SYN3: variants seen among roughly 807,000 people sequenced by gnomAD.
SYN3 encodes synapsin-3.
SYN3 carries 35 observed loss-of-function variants against 65.8 expected under a neutral mutation model. The ratio of observed to expected loss-of-function variants is 0.53; its 90% CI spans 0.41 to 0.70. The LOEUF is 0.70. Among genes scored for constraint, SYN3 ranks in the 30% least tolerant of loss-of-function variants. The probability of loss-of-function intolerance (pLI) is 0.00; values close to 1 mark genes in which losing one functional copy is unlikely to be tolerated. For missense variants in SYN3, 680 were observed against 749.0 expected, an observed-to-expected ratio of 0.91 and a Z score of 1.08; for synonymous variants, 270 against 292.9, an observed-to-expected ratio of 0.92 and a Z score of 0.80.
Position 32,578,304 on chromosome 22 carries a change from T to C in SYN3, c.774+18370A>G, listed in dbSNP as rs572649200. 2.6e-5 allele frequency among the ~76,000 whole-genome samples: 4 copies of C among 152,160 alleles called. No homozygotes were observed. The East Asian group carries it at 7.7e-4, about 29-fold the overall frequency. ...CTCTGGGGCCTAGGCTGGAGTGCAGTGGCATGATCATGGCTCCCTGCAGCC... is the reference window on the plus strand; with the variant it reads ...CTCTGGGGCCTAGGCTGGAGTGCAGCGGCATGATCATGGCTCCCTGCAGCC... On this transcript the variant is annotated intron_variant, in intron 7 of 13. Transcript: ENST00000358763.
intron 3 of SYN3, among the ~76,000 whole-genome samples, chr22:32,936,383 A>C (rs141021425): frequency 6.6e-6 from 1 of 152,358 alleles, no homozygotes; most frequent in East Asian, 1.9e-4. Flanking sequence ...GGCAGAGTTC[A>C]TCAGTTTCAC....
chr22:32,786,497 G>T (rs1434996388), intron 6 of SYN3, among the ~76,000 whole-genome samples: 1 of 151,834 alleles, frequency 6.6e-6, no homozygotes, highest in Non-Finnish European at 1.5e-5. Context: ...CAAGTAGCTG[G>T]GACTACAGGT....
At chr22:32,990,435 TCC>T in intron 2 of SYN3, among the ~76,000 whole-genome samples, 1 of 147,366 alleles carries the variant, frequency 6.8e-6, no homozygotes, top group African/African-American at 2.7e-5. Flanking sequence ...CATCCATCCA[TCC>T]ATCCATCCAT....
chr22:32,583,795 T>C (rs1159688284), intron 7 of SYN3: 2 of 152,204 alleles, frequency 1.3e-5, no homozygotes, highest in Non-Finnish European at 2.9e-5. Flanking sequence ...TGCATCCTCA[T>C]TGTTCCTATA....
At chr22:32,699,600 T>G (rs1049873940) in intron 6 of SYN3, among the ~76,000 whole-genome samples, 3 of 204 alleles carry the variant, frequency 0.015, no homozygotes, top group African/African-American at 0.042. Context: ...CAAGTCACAT[T>G]GCTCTCGGGG....
chr22:32,943,339 C>G (rs1161709444), intron 3 of SYN3, among the ~76,000 whole-genome samples: 2 of 152,134 alleles, frequency 1.3e-5, no homozygotes, highest in Non-Finnish European at 2.9e-5. Flanking sequence ...TCATATCCAG[C>G]CAAACTAAGC....
intron 2 of SYN3, among the ~76,000 whole-genome samples, chr22:32,989,681 A>G (rs2052635869): frequency 6.7e-6 from 1 of 150,066 alleles, no homozygotes; most frequent in South Asian, 2.1e-4. Flanking sequence ...CCAAAAATAC[A>G]AAAATTAGCC....
At chr22:32,601,273 T>C (rs556592222) in intron 6 of SYN3, among the ~76,000 whole-genome samples, 1 of 150,328 alleles carries the variant, frequency 6.7e-6, no homozygotes. Flanking sequence ...TTTGCCTTTT[T>C]TTTTCTTTCT....
chr22:32,574,260 G>A (rs924124812), intron 7 of SYN3, among the ~76,000 whole-genome samples: 1 of 151,962 alleles, frequency 6.6e-6, no homozygotes, highest in South Asian at 2.1e-4. Flanking sequence ...CAGGAGGATC[G>A]CCTGAGGCCA....
At chr22:32,562,916 G>T (rs991818179) in intron 7 of SYN3, among the ~76,000 whole-genome samples, 1 of 152,242 alleles carries the variant, frequency 6.6e-6, no homozygotes, top group African/African-American at 2.4e-5. Context: ...GAAGAGCCAG[G>T]GGGCCTGAAC....
chr22:32,671,346 CCA>C (rs1457796346), intron 6 of SYN3, among the ~76,000 whole-genome samples: 2 of 151,738 alleles, frequency 1.3e-5, no homozygotes, highest in Admixed American at 6.6e-5. Flanking sequence ...CCATCCACAC[CCA>C]CACTCACTCT....
At chr22:32,830,531 G>A (rs2047541638) in intron 6 of SYN3, among the ~76,000 whole-genome samples, 2 of 152,190 alleles carry the variant, frequency 1.3e-5, no homozygotes, top group African/African-American at 4.8e-5. Context: ...TGGAACGGAA[G>A]CTCTTGGGAA....
intron 6 of SYN3, among the ~76,000 whole-genome samples, chr22:32,611,284 G>T (rs60037860): frequency 0.052 from 4,887 of 94,448 alleles, 292 homozygotes; most frequent in Middle Eastern, 0.089. Flanking sequence ...TTTTTTTTTT[G>T]TTTTTTTTTT....
intron 6 of SYN3, among the ~76,000 whole-genome samples, chr22:32,614,418 G>A (rs2059487065): frequency 6.6e-6 from 1 of 152,228 alleles, no homozygotes. Context: ...AGGCAGCTCT[G>A]TATGGACACA....
At chr22:32,737,446 C>A (rs1001936677) in intron 6 of SYN3, among the ~76,000 whole-genome samples, 2 of 152,100 alleles carry the variant, frequency 1.3e-5, no homozygotes, top group African/African-American at 4.8e-5. Context: ...AGGTATATCT[C>A]CTAATGCTAT....
chr22:32,678,294 A>G (rs2060474502), intron 6 of SYN3, among the ~76,000 whole-genome samples: 1 of 152,206 alleles, frequency 6.6e-6, no homozygotes, highest in African/African-American at 2.4e-5. Flanking sequence ...GGCCCAGTCC[A>G]GTCTAGCACA....
chr22:32,616,587 G>A (rs1569094604), intron 6 of SYN3, among the ~76,000 whole-genome samples: 1 of 152,068 alleles, frequency 6.6e-6, no homozygotes, highest in Admixed American at 6.5e-5. Context: ...TCAATAGCTT[G>A]TCCAGGCAAG....
chr22:32,931,409 T>A lies in SYN3; in HGVS notation c.442A>T (p.Asn148Tyr). ...ACTTACCTCACCACTTTGGTCCCAT[T>A]TCTCACGACCTGCATGTCCACCATG... ...GCMVDMQVVR[N>Y]GTKVVSRSFK... Residue 148 changes from asparagine (N) to tyrosine (Y), a missense_variant, in exon 4 of 14, where the codon AAT (asparagine) becomes TAT (tyrosine). Physicochemically the swap from Asn to Tyr is moderately radical, Grantham distance 143. Transcript: ENST00000358763. The A allele has an allele frequency of 6.2e-7, 1 of 1,613,496 alleles. No homozygotes were observed.
At chr22:32,754,640 C>G (rs1355433844) in intron 6 of SYN3, among the ~76,000 whole-genome samples, 5 of 152,180 alleles carry the variant, frequency 3.3e-5, no homozygotes, top group African/African-American at 1.2e-4. Flanking sequence ...CCCGGCTCCC[C>G]CTTCCCCTCA....
Sources: gnomAD v4.1 joint callset for allele counts (sites outside exome capture counted in the v4.1 genomes callset) on GRCh38, gnomAD v4.1.1 for gene constraint, MANE v1.5 for transcripts, NCBI Gene and HGNC (gene_info 2026-07-23, HGNC 2026-07-21) for gene names.